The following GGTA1 variants were observed in gnomAD, a reference collection of about 807,000 sequenced individuals.
GGTA1 encodes glycoprotein alpha-galactosyltransferase 1 (inactive).
GGTA1 carries 5 observed loss-of-function variants against 2.6 expected under a neutral mutation model. That is an observed-to-expected ratio of 1.92 (90% CI 1.00 to 4.04). The LOEUF is 4.04. GGTA1 is among the 30% of genes most tolerant of loss of function. The pLI is 0.00. For synonymous variants in GGTA1, 17 were observed against 5.0 expected (o/e 3.38, Z -3.19); for missense variants, 50 against 16.7 (o/e 2.99, Z -3.47).
chr9:121,490,369 G>A (rs960189240), intron 1 of GGTA1, among the ~76,000 whole-genome samples: 2 of 152,156 alleles, frequency 1.3e-5, no homozygotes, highest in East Asian at 3.9e-4. Flanking sequence ...GAATGCACCC[G>A]ATCTCATCTG....
chr9:121,493,713 T>C (rs1828922679), intron 1 of GGTA1, among the ~76,000 whole-genome samples: 1 of 150,558 alleles, frequency 6.6e-6, no homozygotes, highest in Non-Finnish European at 1.5e-5. Context: ...TCCTCCTGGA[T>C]ACCCCATCCT....
chr9:121,496,782 A>G (rs1324851328), intron 1 of GGTA1, among the ~76,000 whole-genome samples: 4 of 149,848 alleles, frequency 2.7e-5, no homozygotes, highest in African/African-American at 9.8e-5. Flanking sequence ...GCTTGAATGA[A>G]CCTAGGGGGC....
At chr9:121,454,216 T>C (rs2064893618), downstream of GGTA1, among the ~76,000 whole-genome samples, 1 of 152,222 alleles carries the variant, frequency 6.6e-6, no homozygotes. Flanking sequence ...CTTGGTTTCC[T>C]TCAATCATGA....
chr9:121,475,278 A>G (rs1370165029), intron 1 of GGTA1, among the ~76,000 whole-genome samples: 1 of 152,194 alleles, frequency 6.6e-6, no homozygotes, highest in Admixed American at 6.5e-5. Flanking sequence ...AATGTCAGGA[A>G]GTTACCCTAT....
downstream of GGTA1, among the ~76,000 whole-genome samples, chr9:121,453,497 T>C (rs2064889234): frequency 6.6e-6 from 1 of 152,228 alleles, no homozygotes; most frequent in Admixed American, 6.5e-5. Flanking sequence ...CCCTATTGGC[T>C]CAGGAGGTGG....
At chr9:121,482,877 C>G (rs982061810) in intron 1 of GGTA1, among the ~76,000 whole-genome samples, 1 of 151,822 alleles carries the variant, frequency 6.6e-6, no homozygotes, top group Non-Finnish European at 1.5e-5. Context: ...ATCCGGGAGG[C>G]GGGGAGGAGG....
intron 7 of GGTA1, among the ~76,000 whole-genome samples, chr9:121,447,763 G>A (rs1230305820): frequency 6.6e-6 from 1 of 152,010 alleles, no homozygotes; most frequent in Non-Finnish European, 1.5e-5. Context: ...TGGTTAGTAG[G>A]AGAATGATTT....
intron 1 of GGTA1, among the ~76,000 whole-genome samples, chr9:121,498,614 G>T (rs1829039268): frequency 6.6e-6 from 1 of 152,176 alleles, no homozygotes; most frequent in African/African-American, 2.4e-5. Flanking sequence ...GGCAGGCCAG[G>T]GCTGCACCCT....
chr9:121,462,000 G>T (rs1168492819), intron 3 of GGTA1, among the ~76,000 whole-genome samples: 2 of 152,190 alleles, frequency 1.3e-5, no homozygotes, highest in Non-Finnish European at 2.9e-5. Context: ...ATTTGAGAAA[G>T]TTTCCACACT....
At chr9:121,451,514 C>A (rs929360178), downstream of GGTA1, among the ~76,000 whole-genome samples, 1 of 152,138 alleles carries the variant, frequency 6.6e-6, no homozygotes, top group African/African-American at 2.4e-5. Flanking sequence ...TAAGAATGAT[C>A]GTAGTTTTTC....
chr9:121,476,472 C>T lies in GGTA1; in HGVS notation c.-9-8541G>A, dbSNP rs1168674658. On this transcript the variant is annotated intron_variant, in intron 1 of 5. Transcript: ENST00000481799. This position sits in a 1 kb window ranked among gnomAD's most constrained non-coding sequence, Gnocchi z 4.6. The stretch of plus-strand genomic sequence containing the variant: ...AACAAGTCCTTTGGAGCTAAGATTC[C>T]CCAGTAATCCCCAGTTCTTCTCTGA... Among the ~76,000 whole-genome samples, 1 of 152,120 alleles carries T rather than the reference C, an allele frequency of 6.6e-6. No homozygotes were observed. Among genetic ancestry groups the T allele is most frequent in the Non-Finnish European group, 1.5e-5 (1 of 68,028 alleles).
intron 2 of GGTA1, among the ~76,000 whole-genome samples, chr9:121,464,931 G>A (rs1460629829): frequency 1.3e-5 from 2 of 150,218 alleles, no homozygotes; most frequent in Non-Finnish European, 1.5e-5. Context: ...GCCTACCTGT[G>A]TAAGGTTTGT....
chr9:121,457,594 G>A (rs1017571731), intron 5 of GGTA1, among the ~76,000 whole-genome samples: 5 of 151,570 alleles, frequency 3.3e-5, no homozygotes, highest in African/African-American at 9.7e-5. Context: ...CCAGCTACTC[G>A]GGAGGCTGAG....
intron 1 of GGTA1, among the ~76,000 whole-genome samples, chr9:121,480,603 G>A (rs77512482): frequency 0.017 from 2,661 of 152,154 alleles, 70 homozygotes; most frequent in African/African-American, 0.061. Flanking sequence ...CTGGCCCCCC[G>A]GTCGCTCAGT....
At chr9:121,498,649 C>T (rs1253118122) in intron 1 of GGTA1, among the ~76,000 whole-genome samples, 2 of 152,162 alleles carry the variant, frequency 1.3e-5, no homozygotes, top group African/African-American at 4.8e-5. Flanking sequence ...CTCAGACACG[C>T]CTGTTTCCAG....
At chr9:121,452,021 A>T (rs2064880477), downstream of GGTA1, 1 of 152,414 alleles carries the variant, frequency 6.6e-6, no homozygotes, top group Non-Finnish European at 1.5e-5. Flanking sequence ...TTCCATGAAA[A>T]CATTCTCCTA....
intron 1 of GGTA1, among the ~76,000 whole-genome samples, chr9:121,497,387 A>G (rs1408498222): frequency 6.6e-6 from 1 of 152,124 alleles, no homozygotes; most frequent in Non-Finnish European, 1.5e-5. Flanking sequence ...ACATTTGTCC[A>G]TTAGCCATTT....
chr9:121,492,184 T>C (rs1224950177), intron 1 of GGTA1, among the ~76,000 whole-genome samples: 1 of 152,222 alleles, frequency 6.6e-6, no homozygotes, highest in African/African-American at 2.4e-5. Flanking sequence ...TGGGATTTCT[T>C]TGGGAAAAAC....
intron 1 of GGTA1, among the ~76,000 whole-genome samples, chr9:121,495,271 CATG>C (rs1828967899): frequency 6.6e-6 from 1 of 151,978 alleles, no homozygotes; most frequent in Non-Finnish European, 1.5e-5. Context: ...CTGGGCCAGG[CATG>C]GTGGCTCATG....
Sources: allele counts gnomAD v4.1 joint callset (sites outside exome capture counted in the v4.1 genomes callset), GRCh38; gene constraint gnomAD v4.1.1; non-coding constraint Gnocchi (gnomAD v3.1); transcripts MANE v1.5; gene names NCBI Gene and HGNC (gene_info 2026-07-23, HGNC 2026-07-21).